The following WDR7 variants were observed in gnomAD, a reference collection of about 807,000 sequenced individuals.
WDR7 encodes WD repeat-containing protein 7.
A neutral mutation model predicts 169.4 loss-of-function variants in WDR7; 46 were observed. The ratio of observed to expected loss-of-function variants is 0.27; its 90% CI spans 0.21 to 0.35. WDR7 has a LOEUF of 0.35. WDR7 is among the 10% of genes least tolerant of loss of function. The pLI, the probability that WDR7 is intolerant of heterozygous loss-of-function variation, is 1.00. For missense variants in WDR7, 1,534 were observed against 1,859.3 expected, an observed-to-expected ratio of 0.83 and a Z score of 3.22; for synonymous variants, 612 against 666.8, an observed-to-expected ratio of 0.92 and a Z score of 1.27.
At chr18:57,002,098 CATA>C (rs1362106270) in intron 26 of WDR7, among the ~76,000 whole-genome samples, 3 of 152,018 alleles carry the variant, frequency 2.0e-5, no homozygotes, top group Non-Finnish European at 4.4e-5. Flanking sequence ...AGGTGCTTTC[CATA>C]ATAATATCTA....
At chr18:56,823,586 TCAAA>T (rs1296914542) in intron 20 of WDR7, among the ~76,000 whole-genome samples, 5 of 151,980 alleles carry the variant, frequency 3.3e-5, no homozygotes, top group African/African-American at 1.2e-4. Flanking sequence ...ACTCCGTCTC[TCAAA>T]CAAACAAAAA....
Position 56,686,893 on chromosome 18 carries a change from T to C in WDR7, c.636T>C (p.Ile212=), listed in dbSNP as rs1274176562. 2 of 1,609,870 alleles carry C rather than the reference T, an allele frequency of 1.2e-6. No individual in the cohort carries two copies. The highest frequency in any genetic ancestry group is 8.5e-7 in the Non-Finnish European group (1 of 1,176,460). The change falls in exon 7 of 28, where the codon ATT becomes ATC. Residue 212 remains isoleucine (I), a synonymous_variant. Coordinates refer to ENST00000254442, the MANE Select transcript of WDR7 (RefSeq NM_015285.3). ...TATTTGAGGAGGAATCCAAACCAAT[T>C]TATTGTCAGAATTGCCAAAGCATCT... ...EPIFEEESKP[I]YCQNCQSISF... is the part of the protein sequence containing the mutation.
chr18:56,697,986 G>A (rs1005610548), intron 12 of WDR7, among the ~76,000 whole-genome samples: 1 of 152,050 alleles, frequency 6.6e-6, no homozygotes, highest in Non-Finnish European at 1.5e-5. Flanking sequence ...CTGAAGTTGG[G>A]AGTTCGAGAA....
At chr18:56,888,810 G>A (rs1357651544) in intron 21 of WDR7, among the ~76,000 whole-genome samples, 1 of 152,190 alleles carries the variant, frequency 6.6e-6, no homozygotes, top group African/African-American at 2.4e-5. Context: ...CGAGGCAGCA[G>A]ACTCCGAGGC....
intron 20 of WDR7, among the ~76,000 whole-genome samples, chr18:56,852,777 T>A (rs2045660884): frequency 6.6e-6 from 1 of 152,162 alleles, no homozygotes; most frequent in African/African-American, 2.4e-5. Context: ...TTTAGATTGC[T>A]GAATATCTGT....
Position 57,020,837 on chromosome 18 carries a change from T to G in WDR7, c.4257T>G (p.Ile1419Met), listed in dbSNP as rs758554039. ...CCTACTCAAACACTGACAGCCACAT[T>G]TCTTTTTGGCAGGTAAGAGTAGATG... ...LATYSNTDSH[I>M]SFWQMNTSLL... The change falls in exon 27 of 28, where the codon ATT becomes ATG. Residue 1419 changes from isoleucine to methionine, a missense_variant. Ile to Met is a conservative substitution (Grantham distance 10, BLOSUM62 1). Transcript: ENST00000254442. 3 of 1,614,204 alleles carry G rather than the reference T, an allele frequency of 1.9e-6. No individual in the cohort carries two copies. Among genetic ancestry groups the G allele is most frequent in the South Asian group, 1.1e-5 (1 of 91,078 alleles).
intron 26 of WDR7, among the ~76,000 whole-genome samples, chr18:57,009,582 TG>T (rs2048110275): frequency 6.6e-6 from 1 of 152,198 alleles, no homozygotes; most frequent in Non-Finnish European, 1.5e-5. Context: ...CACATAAAAG[TG>T]TAAAATTTCT....
At chr18:56,849,699 A>C (rs2045614753) in intron 20 of WDR7, among the ~76,000 whole-genome samples, 1 of 152,240 alleles carries the variant, frequency 6.6e-6, no homozygotes. Context: ...AACGTAAATC[A>C]GATCATTCAA....
At chr18:56,888,647 T>C (rs181844115) in intron 21 of WDR7, among the ~76,000 whole-genome samples, 3 of 152,242 alleles carry the variant, frequency 2.0e-5, no homozygotes, top group Non-Finnish European at 4.4e-5. Flanking sequence ...GTATTATTTA[T>C]GACATTACCT....
intron 22 of WDR7, among the ~76,000 whole-genome samples, chr18:56,929,463 T>A (rs1475262547): frequency 1.3e-5 from 2 of 152,228 alleles, no homozygotes; most frequent in Non-Finnish European, 2.9e-5. Flanking sequence ...AGATTTTCCT[T>A]TTAGAGATGA....
intron 26 of WDR7, among the ~76,000 whole-genome samples, chr18:57,018,798 T>C (rs924306026): frequency 3.3e-5 from 5 of 152,220 alleles, no homozygotes; most frequent in African/African-American, 1.2e-4. Context: ...TTTCAGACTT[T>C]TAGCAGAACT....
intron 25 of WDR7, among the ~76,000 whole-genome samples, chr18:56,959,329 G>A (rs777167279): frequency 7.2e-5 from 11 of 152,078 alleles, no homozygotes; most frequent in Non-Finnish European, 8.8e-5. Context: ...GACTGCATGC[G>A]GACAATGATG....
At chr18:56,789,877 G>A (rs993290130) in intron 19 of WDR7, among the ~76,000 whole-genome samples, 2 of 152,146 alleles carry the variant, frequency 1.3e-5, no homozygotes, top group Non-Finnish European at 2.9e-5. Context: ...TAAGAGGACT[G>A]TTTTATAAAA....
intron 21 of WDR7, among the ~76,000 whole-genome samples, chr18:56,906,011 A>G (rs2046471382): frequency 6.7e-6 from 1 of 148,210 alleles, no homozygotes; most frequent in Non-Finnish European, 1.5e-5. Context: ...CCAATAAATG[A>G]AGAAGGAATG....
At chr18:56,764,743 A>G (rs926200400) in intron 16 of WDR7, among the ~76,000 whole-genome samples, 3 of 152,114 alleles carry the variant, frequency 2.0e-5, no homozygotes, top group African/African-American at 7.2e-5. Context: ...TGGGTGGAAT[A>G]TTTTATAACT....
rs1186884473 is a variant in WDR7 at position 56,976,275 on chromosome 18, T to C, written c.4164+13746T>C. ...GTAAAAATAGAAATTGATACTATAA[T>C]GCAGAAGCAAAAGCTGTATTTTCTG... is the stretch of plus-strand genomic sequence containing the variant. On this transcript the variant is annotated intron_variant, in intron 26 of 27. Coordinates refer to ENST00000254442, the MANE Select transcript of WDR7 (RefSeq NM_015285.3). Among the ~76,000 whole-genome samples the C allele has an allele frequency of 5.3e-5, 8 of 152,162 alleles. No individual in the cohort carries two copies. In the East Asian group the frequency reaches 1.2e-3, roughly 22 times the overall value.
At chr18:56,730,031 A>AT (rs143662624) in intron 13 of WDR7, among the ~76,000 whole-genome samples, 1 of 151,806 alleles carries the variant, frequency 6.6e-6, no homozygotes, top group Admixed American at 6.6e-5. Flanking sequence ...TTGTTGGCTT[A>AT]TTTTTTTCTC....
rs528340892 is a variant in WDR7, at chr18:56,987,675, C to G, written c.4164+25146C>G. ...GCATTTTGGTGCTATGATTTTTTTT[C>G]TTTTGTGCTTGATTATTTTAAGGTG... is the stretch of plus-strand genomic sequence containing the variant. On this transcript the variant is annotated intron_variant, in intron 26 of 27. Transcript: ENST00000254442. 2.0e-5 allele frequency among the ~76,000 whole-genome samples: 3 copies of G among 151,858 alleles called. No individual in the cohort carries two copies. In the East Asian group the frequency reaches 5.8e-4, roughly 29 times the overall value.
At chr18:56,880,189 T>C in intron 21 of WDR7, 24 bp downstream of exon 21, 1 of 1,600,798 alleles carries the variant, frequency 6.2e-7, no homozygotes. Context: ...CTTCTAATGC[T>C]GATCTGTTGC....
Sources: allele counts gnomAD v4.1 joint callset (sites outside exome capture counted in the v4.1 genomes callset), GRCh38; gene constraint gnomAD v4.1.1; transcripts MANE v1.5; gene names NCBI Gene and HGNC (gene_info 2026-07-23, HGNC 2026-07-21).